The following HIVEP3 variants were observed in gnomAD, a reference collection of about 807,000 sequenced individuals.
HIVEP3 encodes transcription factor HIVEP3.
In HIVEP3, 49 loss-of-function variants were observed where a neutral mutation model predicts 152.8. The ratio of observed to expected loss-of-function variants is 0.32; its 90% CI spans 0.26 to 0.41. The LOEUF (loss-of-function observed/expected upper bound fraction) is 0.41, where lower values mean the gene tolerates loss of function less well. Ranked by LOEUF, HIVEP3 falls within the 10% of genes least tolerant of loss-of-function variation. The pLI, the probability that HIVEP3 is intolerant of heterozygous loss-of-function variation, is 1.00. For synonymous variants in HIVEP3, 1,269 were observed against 1,289.0 expected, an observed-to-expected ratio of 0.98 and a Z score of 0.33; for missense variants, 2,790 against 3,103.3, an observed-to-expected ratio of 0.90 and a Z score of 2.40.
intron 1 of HIVEP3, among the ~76,000 whole-genome samples, chr1:41,714,060 C>T (rs1646554139): frequency 6.6e-6 from 1 of 152,224 alleles, no homozygotes; most frequent in African/African-American, 2.4e-5. Context: ...TGCTCAGCAG[C>T]TGGACTACAG....
intron 3 of HIVEP3, among the ~76,000 whole-genome samples, chr1:41,616,934 G>A (rs1353959858): frequency 6.6e-6 from 1 of 152,152 alleles, no homozygotes; most frequent in East Asian, 1.9e-4. Context: ...TTAAAGGACA[G>A]GCACTATTGC....
rs1293587642 is a variant in HIVEP3 at position 41,662,357 on chromosome 1, C to A, written c.-720-33410G>T. ...GGGCGGGCGCCGGCGGCGGGCGCGG[C>A]TCCGGGCCGCCCCGCGGCCGCTTGG... On this transcript the variant is annotated intron_variant, in intron 2 of 8. Transcript: ENST00000372583. This position sits in a 1 kb window ranked among gnomAD's most constrained non-coding sequence, Gnocchi z 7.2. 1 of 146,128 alleles carries A rather than the reference C, an allele frequency of 6.8e-6. No homozygotes were observed. Among genetic ancestry groups the A allele is most frequent in the Non-Finnish European group, 1.5e-5 (1 of 65,882 alleles). The allele number at this position is 146,128 out of a possible 1,614,324, so 9.1% of individuals were successfully genotyped here.
chr1:41,975,773 T>C (rs950999700), intron 1 of HIVEP3, among the ~76,000 whole-genome samples: 1 of 152,170 alleles, frequency 6.6e-6, no homozygotes, highest in Non-Finnish European at 1.5e-5. Flanking sequence ...ATGGGTGATA[T>C]GGACCAGAAT....
chr1:41,641,941 G>A (rs992374195), intron 2 of HIVEP3, among the ~76,000 whole-genome samples: 3 of 152,196 alleles, frequency 2.0e-5, no homozygotes, highest in African/African-American at 7.2e-5. Flanking sequence ...CCGGGCCTCC[G>A]TGAACTATCA....
chr1:41,815,807 T>C (rs1011095326), intron 1 of HIVEP3, among the ~76,000 whole-genome samples: 1 of 152,006 alleles, frequency 6.6e-6, no homozygotes, highest in African/African-American at 2.4e-5. Flanking sequence ...TCTCTCTCTG[T>C]TGCCCAAGCC....
At chr1:41,576,330 G>C (rs1167073355) in intron 4 of HIVEP3, among the ~76,000 whole-genome samples, 1 of 152,174 alleles carries the variant, frequency 6.6e-6, no homozygotes, top group Non-Finnish European at 1.5e-5. Flanking sequence ...GCAGGCTCTG[G>C]GCTGTTAGTC....
intron 1 of HIVEP3, among the ~76,000 whole-genome samples, chr1:41,876,930 G>A (rs1052717975): frequency 6.6e-6 from 1 of 152,178 alleles, no homozygotes; most frequent in East Asian, 1.9e-4. Context: ...ACGTTCTACA[G>A]ACGTGGGTTC....
intron 3 of HIVEP3, among the ~76,000 whole-genome samples, chr1:41,623,580 G>A (rs1391420499): frequency 2.0e-5 from 3 of 152,138 alleles, no homozygotes; most frequent in Non-Finnish European, 4.4e-5. Context: ...AAACCACCAG[G>A]CCTGGCTCTC....
intron 1 of HIVEP3, among the ~76,000 whole-genome samples, chr1:41,841,801 C>T (rs192178991): frequency 1.6e-3 from 239 of 152,174 alleles, no homozygotes; most frequent in African/African-American, 5.5e-3. Context: ...CATTAATATT[C>T]GTTGTTGGCT....
At chr1:41,552,860 A>G (rs1643910972) in intron 5 of HIVEP3, among the ~76,000 whole-genome samples, 1 of 152,182 alleles carries the variant, frequency 6.6e-6, no homozygotes, top group Admixed American at 6.5e-5. Flanking sequence ...GTGGTCTGAG[A>G]GGCAGTTTGT....
chr1:41,780,608 G>C (rs1648986423), intron 1 of HIVEP3, among the ~76,000 whole-genome samples: 1 of 152,198 alleles, frequency 6.6e-6, no homozygotes, highest in South Asian at 2.1e-4. Context: ...AAAGGATAAG[G>C]CAGGACCTTC....
chr1:42,002,789 C>T (rs1326618078), intron 1 of HIVEP3, among the ~76,000 whole-genome samples: 1 of 152,006 alleles, frequency 6.6e-6, no homozygotes, highest in African/African-American at 2.4e-5. Flanking sequence ...CCAGGTTCCC[C>T]CTCCCACCCT....
intron 2 of HIVEP3, among the ~76,000 whole-genome samples, chr1:41,695,027 G>C (rs1269434124): frequency 2.0e-5 from 3 of 152,218 alleles, no homozygotes; most frequent in African/African-American, 7.2e-5. Context: ...GGGTCCTGCT[G>C]TCACTAAACC....
At chr1:41,919,489 C>T (rs984393354), upstream of HIVEP3, among the ~76,000 whole-genome samples, 2 of 152,182 alleles carry the variant, frequency 1.3e-5, no homozygotes, top group South Asian at 2.1e-4. Context: ...TTTCTAAAGT[C>T]GAACATAATC....
chr1:41,756,967 G>T (rs1443859374), intron 1 of HIVEP3, among the ~76,000 whole-genome samples: 1 of 152,012 alleles, frequency 6.6e-6, no homozygotes, highest in Non-Finnish European at 1.5e-5. Context: ...GTTGGCTGGG[G>T]TCAGTGGCTC....
intron 1 of HIVEP3, among the ~76,000 whole-genome samples, chr1:41,886,653 G>GGTGA (rs1203325688): frequency 6.9e-6 from 1 of 145,468 alleles, no homozygotes; most frequent in African/African-American, 2.5e-5. Context: ...CGGAGGTTGT[G>GGTGA]GTGAGCTGAG....
chr1:41,549,207 C>G (rs1419671093), intron 5 of HIVEP3, among the ~76,000 whole-genome samples: 1 of 152,170 alleles, frequency 6.6e-6, no homozygotes, highest in East Asian at 1.9e-4. Context: ...ATGAACTCAT[C>G]CTTTTCTATG....
intron 6 of HIVEP3, among the ~76,000 whole-genome samples, chr1:41,524,414 G>T (rs1023848338): frequency 6.6e-6 from 1 of 152,204 alleles, no homozygotes; most frequent in East Asian, 1.9e-4. Context: ...GCAGAAGGGA[G>T]GGGAGATGAG....
At chr1:41,536,419 T>C (rs1383611351) in intron 5 of HIVEP3, among the ~76,000 whole-genome samples, 2 of 152,178 alleles carry the variant, frequency 1.3e-5, no homozygotes, top group African/African-American at 2.4e-5. Flanking sequence ...ATATATTTAG[T>C]TCACTTGGAT....
Sources: allele counts gnomAD v4.1 joint callset (sites outside exome capture counted in the v4.1 genomes callset), GRCh38; gene constraint gnomAD v4.1.1; non-coding constraint Gnocchi (gnomAD v3.1); transcripts MANE v1.5; gene names NCBI Gene and HGNC (gene_info 2026-07-23, HGNC 2026-07-21).